The following BNC2 variants were observed in gnomAD, a reference collection of about 807,000 sequenced individuals.
BNC2 encodes the protein zinc finger protein basonuclin-2.
BNC2 carries 20 observed loss-of-function variants against 76.3 expected under a neutral mutation model. That is an observed-to-expected ratio of 0.26 (90% CI 0.18 to 0.38). The LOEUF (loss-of-function observed/expected upper bound fraction) is 0.38. BNC2 is among the 10% of genes least tolerant of loss of function. The pLI, the probability that BNC2 is intolerant of heterozygous loss-of-function variation, is 1.00. For synonymous variants in BNC2, 582 were observed against 514.8 expected (o/e 1.13, Z -1.77); for missense variants, 1,382 against 1,399.8 (o/e 0.99, Z 0.20).
chr9:16,756,933 G>A (rs1172197843), intron 1 of BNC2, among the ~76,000 whole-genome samples: 4 of 150,964 alleles, frequency 2.6e-5, no homozygotes, highest in African/African-American at 4.9e-5. Context: ...GGAGCTTGCA[G>A]TGAGCCAAGA....
chr9:16,780,332 G>A (rs1318936458), intron 1 of BNC2, among the ~76,000 whole-genome samples: 1 of 151,570 alleles, frequency 6.6e-6, no homozygotes, highest in Non-Finnish European at 1.5e-5. Flanking sequence ...CCAGCACTGT[G>A]GGAGGCCGAG....
At chr9:16,551,132 T>C (rs1350321596) in intron 5 of BNC2, among the ~76,000 whole-genome samples, 2 of 152,208 alleles carry the variant, frequency 1.3e-5, no homozygotes, top group African/African-American at 4.8e-5. Flanking sequence ...GTAAACATTC[T>C]GTATAAACTG....
intron 4 of BNC2, among the ~76,000 whole-genome samples, chr9:16,564,044 T>C (rs1819093428): frequency 6.6e-6 from 1 of 152,184 alleles, no homozygotes. Flanking sequence ...TGAACATTTA[T>C]GGTAATGTTA....
intron 1 of BNC2, among the ~76,000 whole-genome samples, chr9:16,816,308 T>C (rs1818180934): frequency 6.6e-6 from 1 of 152,190 alleles, no homozygotes. Context: ...TCCTGATTTA[T>C]GTGGGAAATC....
intron 5 of BNC2, among the ~76,000 whole-genome samples, chr9:16,447,430 T>C (rs1821252296): frequency 1.3e-5 from 2 of 152,134 alleles, no homozygotes; most frequent in African/African-American, 4.8e-5. Flanking sequence ...TCTGAACATA[T>C]GAATCACTTT....
intron 3 of BNC2, among the ~76,000 whole-genome samples, chr9:16,619,851 A>G (rs771744318): frequency 1.3e-5 from 2 of 152,226 alleles, no homozygotes; most frequent in African/African-American, 2.4e-5. Context: ...ATTTTAAAAA[A>G]GAAAGGTGGT....
chr9:16,863,718 T>C (rs896087103), intron 1 of BNC2, among the ~76,000 whole-genome samples: 1 of 152,016 alleles, frequency 6.6e-6, no homozygotes, highest in African/African-American at 2.4e-5. Context: ...ACAGAGAAAG[T>C]ACAACTGTTA....
At chr9:16,858,513 A>G (rs1163556795) in intron 1 of BNC2, among the ~76,000 whole-genome samples, 1 of 152,208 alleles carries the variant, frequency 6.6e-6, no homozygotes, top group African/African-American at 2.4e-5. Context: ...TGCTAAAGGC[A>G]ACAAAAGCAA....
At chr9:16,739,435 G>A (rs1014812321) in intron 1 of BNC2, among the ~76,000 whole-genome samples, 1 of 152,222 alleles carries the variant, frequency 6.6e-6, no homozygotes, top group Non-Finnish European at 1.5e-5. Flanking sequence ...GTGGAAAGCC[G>A]AGGCGGGCAG....
At chr9:16,717,434 C>T (rs1373936284) in intron 3 of BNC2, among the ~76,000 whole-genome samples, 5 of 152,080 alleles carry the variant, frequency 3.3e-5, no homozygotes, top group African/African-American at 1.2e-4. Context: ...AAAGTATATA[C>T]TTCATTACAT....
At chr9:16,481,094 G>C (rs1822044223) in intron 5 of BNC2, among the ~76,000 whole-genome samples, 2 of 152,104 alleles carry the variant, frequency 1.3e-5, no homozygotes, top group South Asian at 4.1e-4. Context: ...GTCTAGCTCA[G>C]GGTTTGGGCT....
At chr9:16,562,571 A>C (rs1819048013) in intron 4 of BNC2, among the ~76,000 whole-genome samples, 1 of 152,208 alleles carries the variant, frequency 6.6e-6, no homozygotes, top group Admixed American at 6.5e-5. Flanking sequence ...TTCATCTTAA[A>C]AGATTTTGAA....
intron 5 of BNC2, among the ~76,000 whole-genome samples, chr9:16,465,970 A>G (rs1048792901): frequency 7.2e-6 from 1 of 139,096 alleles, no homozygotes. Context: ...CTGATAAGCA[A>G]CTTCAGCAAA....
intron 5 of BNC2, among the ~76,000 whole-genome samples, chr9:16,473,982 CAT>C (rs1236676814): frequency 5.3e-5 from 8 of 152,210 alleles, no homozygotes; most frequent in African/African-American, 1.9e-4. Context: ...AGGGGGCAGT[CAT>C]GTGATATTAT....
chr9:16,486,259 A>G (rs1822162205), intron 5 of BNC2, among the ~76,000 whole-genome samples: 1 of 152,238 alleles, frequency 6.6e-6, no homozygotes, highest in South Asian at 2.1e-4. Context: ...ATGAAGTCAG[A>G]GGAAAATGAA....
intron 1 of BNC2, among the ~76,000 whole-genome samples, chr9:16,839,837 C>G (rs921198280): frequency 6.6e-6 from 1 of 151,962 alleles, no homozygotes; most frequent in South Asian, 2.1e-4. Context: ...TCAACCAATG[C>G]GGTGTGGTGC....
At chr9:16,468,344 G>A (rs536727176) in intron 5 of BNC2, among the ~76,000 whole-genome samples, 1 of 151,842 alleles carries the variant, frequency 6.6e-6, no homozygotes. Context: ...TTGAACATTT[G>A]TTTTCCACCA....
intron 3 of BNC2, among the ~76,000 whole-genome samples, chr9:16,711,070 G>A (rs192697413): frequency 1.6e-4 from 25 of 151,700 alleles, no homozygotes; most frequent in African/African-American, 2.7e-4. Context: ...TTAGTGCTAC[G>A]TGACACGATT....
intron 3 of BNC2, among the ~76,000 whole-genome samples, chr9:16,598,046 T>C (rs997558774): frequency 1.5e-4 from 23 of 152,154 alleles, no homozygotes; most frequent in African/African-American, 5.3e-4. Flanking sequence ...AACCATATAC[T>C]GTAATATTCA....
Sources: allele counts gnomAD v4.1 joint callset (sites outside exome capture counted in the v4.1 genomes callset), GRCh38; gene constraint gnomAD v4.1.1; transcripts MANE v1.5; gene names NCBI Gene and HGNC (gene_info 2026-07-23, HGNC 2026-07-21).